Variants in BICDL1 observed in about 807,000 individuals in gnomAD.
The protein encoded by BICDL1 is BICD family like cargo adaptor 1.
In BICDL1, 20 loss-of-function variants were observed where a neutral mutation model predicts 76.8. That is an observed-to-expected ratio of 0.26 (90% CI 0.18 to 0.38). The LOEUF (loss-of-function observed/expected upper bound fraction) is 0.38, where lower values mean the gene tolerates loss of function less well. Among genes scored for constraint, BICDL1 ranks in the 10% least tolerant of loss-of-function variants. The probability of loss-of-function intolerance (pLI) is 1.00; values close to 1 mark genes in which losing one functional copy is unlikely to be tolerated. For missense variants in BICDL1, 700 were observed against 798.6 expected, an observed-to-expected ratio of 0.88 and a Z score of 1.49; for synonymous variants, 383 against 337.1, an observed-to-expected ratio of 1.14 and a Z score of -1.49.
At chr12:120,000,017 T>C (rs1951728798) in intron 2 of BICDL1, 1 of 187,934 alleles carries the variant, frequency 5.3e-6, no homozygotes, top group African/African-American at 2.4e-5. Flanking sequence ...TATGAAGTTA[T>C]TTCACTAGTT....
intron 2 of BICDL1, among the ~76,000 whole-genome samples, chr12:120,038,157 A>G (rs144993236): frequency 9.1e-4 from 138 of 152,276 alleles, no homozygotes; most frequent in East Asian, 6.8e-3. Flanking sequence ...CCCTGTCCCA[A>G]TACTTATTCC....
intron 2 of BICDL1, among the ~76,000 whole-genome samples, chr12:120,009,382 T>C (rs1207589352): frequency 6.6e-6 from 1 of 152,180 alleles, no homozygotes; most frequent in East Asian, 1.9e-4. Context: ...TGGTTTTCTT[T>C]TTCCAAAGAG....
chr12:120,045,357 G>C (rs1285358422), intron 2 of BICDL1, among the ~76,000 whole-genome samples: 5 of 151,204 alleles, frequency 3.3e-5, no homozygotes, highest in Middle Eastern at 3.2e-3. Flanking sequence ...GGAAGTCAGT[G>C]TGGCGATTCC....
At position 120,089,306 on chromosome 12, in the gene BICDL1, G is replaced by GTGT. The variant is rs1566272886; in HGVS notation, c.1584-645_1584-644insTGT. Among the ~76,000 whole-genome samples the GTGT allele has an allele frequency of 4.6e-3, 686 of 150,372 alleles. 7 individuals are homozygous for GTGT. Among genetic ancestry groups the GTGT allele is most frequent in the African/African-American group, 0.016 (647 of 40,730 alleles). On this transcript the variant is annotated intron_variant, in intron 8 of 9. Transcript: ENST00000548673. ...TGTGTGTGTATGTGTGTGTGTGTGG[G>GTGT]GTGTGACGGAGTTCTGCTCTTTCAA...
intron 2 of BICDL1, among the ~76,000 whole-genome samples, chr12:120,041,977 G>A (rs1952651106): frequency 6.6e-6 from 1 of 152,114 alleles, no homozygotes; most frequent in South Asian, 2.1e-4. Flanking sequence ...CAGTGACATA[G>A]TCTGACTTGG....
At chr12:119,999,910 A>G in intron 2 of BICDL1, 1 of 319,528 alleles carries the variant, frequency 3.1e-6, no homozygotes, top group Admixed American at 4.7e-5. Flanking sequence ...CCGTGTCTGC[A>G]TGGTTAGTGT....
chr12:120,057,255 T>A, intron 2 of BICDL1: 1 of 381,882 alleles, frequency 2.6e-6, no homozygotes, highest in Non-Finnish European at 5.1e-6. Flanking sequence ...GCTCAAGCGA[T>A]CCTTCCACCT....
At chr12:120,019,184 G>A (rs774378062) in intron 2 of BICDL1, 8 of 151,956 alleles carry the variant, frequency 5.3e-5, no homozygotes, top group African/African-American at 1.9e-4. Context: ...CAAAACTTGC[G>A]TGCTGATTAG....
chr12:120,047,132 CT>C (rs1952764922), intron 2 of BICDL1, among the ~76,000 whole-genome samples: 2 of 152,088 alleles, frequency 1.3e-5, no homozygotes, highest in Admixed American at 6.5e-5. Context: ...AAACATGCCC[CT>C]ATCTAGTGGA....
At chr12:120,029,763 TCCTG>T (rs1014842220) in intron 2 of BICDL1, among the ~76,000 whole-genome samples, 1 of 142,552 alleles carries the variant, frequency 7.0e-6, no homozygotes, top group Non-Finnish European at 1.5e-5. Context: ...CAAGTAATTA[TCCTG>T]CCTCAGCCTC....
At chr12:120,011,346 C>A (rs1211076672) in intron 2 of BICDL1, among the ~76,000 whole-genome samples, 1 of 152,176 alleles carries the variant, frequency 6.6e-6, no homozygotes, top group African/African-American at 2.4e-5. Flanking sequence ...GGTTGGTGAA[C>A]AACTAGCCAG....
At chr12:120,015,088 T>C (rs1472630403) in intron 2 of BICDL1, among the ~76,000 whole-genome samples, 2 of 152,022 alleles carry the variant, frequency 1.3e-5, no homozygotes, top group Non-Finnish European at 2.9e-5. Flanking sequence ...AGATGGATCT[T>C]CCCTCCCTTG....
intron 8 of BICDL1, 141 bp from the exon 9 acceptor site, chr12:120,089,810 A>C: frequency 2.1e-6 from 2 of 964,714 alleles, no homozygotes; most frequent in Non-Finnish European, 3.1e-6. Context: ...GCAACATCAT[A>C]GTTATTGTTG....
chr12:120,044,371 G>A (rs537684410), intron 2 of BICDL1, among the ~76,000 whole-genome samples: 22 of 152,226 alleles, frequency 1.4e-4, no homozygotes, highest in African/African-American at 3.9e-4. Flanking sequence ...AGGATTAGAC[G>A]TGACTGCTCT....
At chr12:120,075,948 C>T (rs538310474) in intron 7 of BICDL1, among the ~76,000 whole-genome samples, 6 of 152,190 alleles carry the variant, frequency 3.9e-5, no homozygotes, top group Non-Finnish European at 5.9e-5. Flanking sequence ...CACTTGAGAT[C>T]GGCAGTTCGA....
chr12:120,081,141 A>ACCCACCCCCACC (rs551191409), intron 8 of BICDL1, 124 bp downstream of exon 8: 6 of 818,132 alleles, frequency 7.3e-6, no homozygotes, highest in Admixed American at 5.4e-5. Context: ...TTTCCCCGCT[A>ACCCACCCCCACC]CCCACCCCCA....
At chr12:120,076,226 G>T (rs753848601) in intron 7 of BICDL1, among the ~76,000 whole-genome samples, 3 of 152,180 alleles carry the variant, frequency 2.0e-5, no homozygotes, top group Non-Finnish European at 4.4e-5. Context: ...ACATTCACCC[G>T]CCTGAAACCT....
At chr12:120,021,974 T>A (rs1290174417) in intron 2 of BICDL1, among the ~76,000 whole-genome samples, 6 of 149,010 alleles carry the variant, frequency 4.0e-5, no homozygotes, top group African/African-American at 1.2e-4. Flanking sequence ...TATAAAAAAA[T>A]AAATAAAAAT....
chr12:120,019,386 T>C (rs1952134241), intron 2 of BICDL1: 2 of 152,216 alleles, frequency 1.3e-5, no homozygotes, highest in South Asian at 4.1e-4. Flanking sequence ...CACCTGGGCA[T>C]TAAAGCTGAA....
Sources: gnomAD v4.1 joint callset for allele counts (sites outside exome capture counted in the v4.1 genomes callset) on GRCh38, gnomAD v4.1.1 for gene constraint, MANE v1.5 for transcripts, NCBI Gene and HGNC (gene_info 2026-07-23, HGNC 2026-07-21) for gene names.